Variants in PAK5 observed in about 807,000 individuals in gnomAD.
PAK5 encodes serine/threonine-protein kinase PAK 5.
Under a neutral mutation model 65.9 loss-of-function variants are expected in PAK5, and 16 were observed. The observed-to-expected ratio is 0.24, with a 90% CI of 0.16 to 0.37. The LOEUF is 0.37. Among genes scored for constraint, PAK5 ranks in the 10% least tolerant of loss-of-function variants. The pLI, the probability that PAK5 is intolerant of heterozygous loss-of-function variation, is 1.00. For missense variants in PAK5, 785 were observed against 903.9 expected (o/e 0.87, Z 1.69); for synonymous variants, 371 against 354.9 (o/e 1.05, Z -0.51).
At chr20:9,768,452 G>A (rs113634602) in intron 1 of PAK5, among the ~76,000 whole-genome samples, 33,015 of 151,716 alleles carry the variant, frequency 0.22, 4,988 homozygotes, top group African/African-American at 0.43. Flanking sequence ...TGTACCCCCT[G>A]TATCTATAAT....
intron 1 of PAK5, among the ~76,000 whole-genome samples, chr20:9,820,811 C>T (rs958728417): frequency 6.6e-6 from 1 of 152,086 alleles, no homozygotes; most frequent in Non-Finnish European, 1.5e-5. Flanking sequence ...TATAAAGGAA[C>T]TGAATGGGGA....
intron 1 of PAK5, among the ~76,000 whole-genome samples, chr20:9,796,459 C>T (rs553256298): frequency 1.7e-4 from 26 of 152,146 alleles, no homozygotes; most frequent in Middle Eastern, 6.8e-3. Context: ...TGGGACATGG[C>T]TATTGTATAT....
At chr20:9,677,790 C>T (rs1362802188) in intron 2 of PAK5, among the ~76,000 whole-genome samples, 1 of 152,224 alleles carries the variant, frequency 6.6e-6, no homozygotes, top group Non-Finnish European at 1.5e-5. Flanking sequence ...ATGGAAATCA[C>T]AGGTATTTAA....
In PAK5 at chr20:9,557,561, C is replaced by A. The variant is rs1361150943; in HGVS notation, c.1743+47G>T. 3 of 1,545,832 alleles carry A rather than the reference C, an allele frequency of 1.9e-6. No individual in the cohort carries two copies. In the African/African-American group the frequency reaches 4.1e-5, roughly 21 times the overall value. ...CTAAAAGAGTTATGCCCATGACAGA[C>A]AGAGTGACAAGAAAAACTACGAACG... On this transcript the variant is annotated intron_variant, in intron 7 of 9. Coordinates refer to ENST00000353224, the MANE Select transcript of PAK5 (RefSeq NM_177990.4).
In PAK5 at chr20:9,580,943, GA is replaced by G; in HGVS notation, c.205-14del. 1 of 1,536,046 alleles carries G rather than the reference GA, an allele frequency of 6.5e-7. No individual in the cohort carries two copies. The highest frequency in any genetic ancestry group is 1.2e-5 in the South Asian group (1 of 80,370). ...CTCTAACGATTGTCTGGGAATAATA[GA>G]GGGAATATTGTTTAAAGAAAATATT... On this transcript the variant is annotated splice_polypyrimidine_tract_variant and intron_variant, in intron 3 of 9. Coordinates refer to ENST00000353224, the MANE Select transcript of PAK5 (RefSeq NM_177990.4).
intron 1 of PAK5, among the ~76,000 whole-genome samples, chr20:9,767,065 C>A (rs1346854474): frequency 6.6e-6 from 1 of 152,140 alleles, no homozygotes; most frequent in Admixed American, 6.5e-5. Flanking sequence ...TATTGACAGA[C>A]TGCGGGGAGC....
chr20:9,556,373 T>C (rs2045507094), intron 7 of PAK5, among the ~76,000 whole-genome samples: 1 of 152,234 alleles, frequency 6.6e-6, no homozygotes, highest in Admixed American at 6.5e-5. Flanking sequence ...TTTACAATCT[T>C]TTTAAAACAA....
Position 9,537,983 on chromosome 20 carries a change from C to T in PAK5, c.*1479G>A, listed in dbSNP as rs1420585946. On this transcript the variant is annotated 3_prime_UTR_variant, in exon 10 of 10. Coordinates refer to ENST00000353224, the MANE Select transcript of PAK5 (RefSeq NM_177990.4). ...CACAAATTTAAATTCATATTTGTTA[C>T]AGTATGTGAAATAGTTAAGAAAAGC... 2 of 231,606 alleles carry T rather than the reference C, an allele frequency of 8.6e-6. No homozygotes were observed. Among genetic ancestry groups the T allele is most frequent in the Admixed American group, 1.1e-4 (2 of 17,702 alleles). 14.3% of individuals were successfully genotyped at this position (231,606 alleles called of 1,614,324 possible).
At chr20:9,556,290 G>A (rs373140896) in intron 7 of PAK5, among the ~76,000 whole-genome samples, 1 of 152,198 alleles carries the variant, frequency 6.6e-6, no homozygotes, top group East Asian at 1.9e-4. Context: ...GGAAAAATCG[G>A]TAATGGGATT....
At chr20:9,672,629 CTG>C (rs1479726694) in intron 2 of PAK5, among the ~76,000 whole-genome samples, 1 of 152,042 alleles carries the variant, frequency 6.6e-6, no homozygotes, top group African/African-American at 2.4e-5. Flanking sequence ...CCATGTGGAA[CTG>C]TGAGTCAATT....
intron 3 of PAK5, among the ~76,000 whole-genome samples, chr20:9,619,816 A>G (rs1045928937): frequency 1.3e-5 from 2 of 152,124 alleles, no homozygotes; most frequent in Non-Finnish European, 2.9e-5. Flanking sequence ...TGATTCTTTG[A>G]CAGAAGATCA....
At chr20:9,737,927 G>A (rs978592662) in intron 1 of PAK5, among the ~76,000 whole-genome samples, 1 of 152,088 alleles carries the variant, frequency 6.6e-6, no homozygotes, top group East Asian at 1.9e-4. Context: ...CAGATCATGA[G>A]GTCAAGAGAT....
rs1452469924 is a variant in PAK5 at position 9,563,408 on chromosome 20, G to A, written c.1483-384C>T. Among the ~76,000 whole-genome samples, 3 of 152,076 alleles carry A rather than the reference G, an allele frequency of 2.0e-5. No individual in the cohort carries two copies. The East Asian group carries it at 5.8e-4, about 29-fold the overall frequency. ...TCCTCTGCTGGTTATCCTAGCAAAG[G>A]GTCACCAACTCGTAGTAATTGAGGG... On this transcript the variant is annotated intron_variant, in intron 5 of 9. Transcript: ENST00000353224.
At chr20:9,673,810 T>C (rs2047532720) in intron 2 of PAK5, among the ~76,000 whole-genome samples, 2 of 152,168 alleles carry the variant, frequency 1.3e-5, no homozygotes, top group Non-Finnish European at 2.9e-5. Context: ...CCCACAATCC[T>C]ACCGCATGGA....
intron 2 of PAK5, among the ~76,000 whole-genome samples, chr20:9,699,818 G>A (rs955268548): frequency 1.3e-5 from 2 of 152,100 alleles, no homozygotes; most frequent in Non-Finnish European, 2.9e-5. Flanking sequence ...ATTTGTGATG[G>A]AGATGTCTCA....
chr20:9,607,567 C>A (rs1349129631), intron 3 of PAK5, among the ~76,000 whole-genome samples: 1 of 152,154 alleles, frequency 6.6e-6, no homozygotes, highest in Non-Finnish European at 1.5e-5. Context: ...CGGCTCACAC[C>A]TGTAATCCCA....
intron 1 of PAK5, among the ~76,000 whole-genome samples, chr20:9,810,734 T>A (rs186654337): frequency 6.6e-6 from 1 of 152,316 alleles, no homozygotes; most frequent in Admixed American, 6.5e-5. Context: ...TAATGGAGAA[T>A]CTGTTTCCCA....
At chr20:9,811,994 C>T (rs1455320471) in intron 1 of PAK5, among the ~76,000 whole-genome samples, 1 of 152,030 alleles carries the variant, frequency 6.6e-6, no homozygotes, top group African/African-American at 2.4e-5. Flanking sequence ...ATATACATAC[C>T]TAGTTGTGTA....
intron 1 of PAK5, among the ~76,000 whole-genome samples, chr20:9,743,385 A>T (rs2048470485): frequency 1.3e-5 from 1 of 79,244 alleles, no homozygotes; most frequent in African/African-American, 4.4e-5. Context: ...AAACAAGCAA[A>T]CAAGCCAAAA....
Sources: gnomAD v4.1 joint callset for allele counts (sites outside exome capture counted in the v4.1 genomes callset) on GRCh38, gnomAD v4.1.1 for gene constraint, MANE v1.5 for transcripts, NCBI Gene and HGNC (gene_info 2026-07-23, HGNC 2026-07-21) for gene names.